Variants in IL36RN observed in about 807,000 individuals in gnomAD.
IL36RN encodes interleukin 36 receptor antagonist.
Under a neutral mutation model 13.0 loss-of-function variants are expected in IL36RN, and 11 were observed. The ratio of observed to expected loss-of-function variants is 0.85; its 90% CI spans 0.53 to 1.40. IL36RN has a LOEUF of 1.40. Ranked by LOEUF, IL36RN falls within the 40% of genes most tolerant of loss-of-function variation. The pLI is 0.00. For missense variants in IL36RN, 195 were observed against 195.3 expected (o/e 1.00, Z 0.01); for synonymous variants, 94 against 84.1 (o/e 1.12, Z -0.64).
chr2:113,062,714 G>A lies in IL36RN; in HGVS notation c.*37G>A, dbSNP rs1460646636. ...CCCCAGAACTCCCTGGGCAGAGCCA[G>A]CTCGGGTGAGGGGTGAGTGGAGGAG... On this transcript the variant is annotated 3_prime_UTR_variant, in exon 5 of 5. Coordinates refer to ENST00000393200, the MANE Select transcript of IL36RN (RefSeq NM_012275.3). 1.3e-6 allele frequency: 2 copies of A among 1,570,986 alleles called. No individual in the cohort carries two copies. Among genetic ancestry groups the A allele is most frequent in the Middle Eastern group, 1.7e-4 (1 of 5,992 alleles).
chr2:113,061,263 G>A (rs1055900079), intron 3 of IL36RN, among the ~76,000 whole-genome samples: 4 of 152,164 alleles, frequency 2.6e-5, no homozygotes, highest in Non-Finnish European at 5.9e-5. Context: ...GAGAACTAAC[G>A]TAGATTCTCT....
In IL36RN at chr2:113,062,235, C is replaced by T. The variant is rs139497891; in HGVS notation, c.227C>T (p.Pro76Leu). The T allele has an allele frequency of 2.3e-4, 378 of 1,613,982 alleles. 2 individuals carry two copies. Among genetic ancestry groups the T allele is most frequent in the Middle Eastern group, 6.6e-4 (4 of 6,060 alleles). Residue 76 changes from proline (P) to leucine (L), a missense_variant, in exon 4 of 5, where the codon CCG becomes CTG. Physicochemically the swap from Pro to Leu is moderately conservative, Grantham distance 98. Transcript: ENST00000393200. ...QCLSCGVGQEPTLTLEPVNIM... is the reference protein window; with the variant it reads ...QCLSCGVGQELTLTLEPVNIM... ...CTGTCATGTGGGGTGGGGCAGGAGCCGACTCTAACACTAGAGGTGAGACTT... is the reference window on the plus strand; with the variant it reads ...CTGTCATGTGGGGTGGGGCAGGAGCTGACTCTAACACTAGAGGTGAGACTT...
At chr2:113,059,554 A>G in intron 2 of IL36RN, 87 bp downstream of exon 2, 3 of 1,457,848 alleles carry the variant, frequency 2.1e-6, no homozygotes, top group Non-Finnish European at 2.9e-6. Flanking sequence ...AGCAGGAGGG[A>G]GGAAGGGAGG....
chr2:113,059,308 G>A (rs1685590547), intron 1 of IL36RN, 67 bp downstream of exon 1: 1 of 951,842 alleles, frequency 1.1e-6, no homozygotes, highest in Non-Finnish European at 1.7e-6. Flanking sequence ...CTGCTCCGTG[G>A]AGGCTGTTCA....
chr2:113,059,290 C>T, intron 1 of IL36RN, 49 bp downstream of exon 1: 1 of 814,632 alleles, frequency 1.2e-6, no homozygotes, highest in South Asian at 1.4e-5. Flanking sequence ...TGACCCCAGA[C>T]CCAGAATCTG....
At chr2:113,061,174 A>G (rs1685633394) in intron 3 of IL36RN, among the ~76,000 whole-genome samples, 1 of 152,230 alleles carries the variant, frequency 6.6e-6, no homozygotes, top group Non-Finnish European at 1.5e-5. Flanking sequence ...ATGTTTTCCA[A>G]GAGGCTTGTC....
intron 3 of IL36RN, 128 bp from the exon 4 acceptor site, chr2:113,061,995 CT>C (rs1252125926): frequency 1.3e-5 from 16 of 1,269,206 alleles, no homozygotes; most frequent in Non-Finnish European, 1.6e-5. Flanking sequence ...ATGACAGCTG[CT>C]GAGAAGCCTC....
At chr2:113,060,368 T>C (rs1207563330) in intron 2 of IL36RN, among the ~76,000 whole-genome samples, 4 of 152,282 alleles carry the variant, frequency 2.6e-5, no homozygotes, top group Admixed American at 2.6e-4. Flanking sequence ...CCTCACTTAG[T>C]AAGGAATATA....
At position 113,064,189 on chromosome 2, in the gene IL36RN, T is replaced by C. The variant is rs1028887063; in HGVS notation, c.*1512T>C. ...AAGCTTGGAAGAGGCAAAGAAGAAT[T>C]CTTCCCTAGAGGCTTTAGAGGGATA... On this transcript the variant is annotated 3_prime_UTR_variant, in exon 5 of 5. Coordinates refer to ENST00000393200, the MANE Select transcript of IL36RN (RefSeq NM_012275.3). 6 of 152,168 alleles carry C rather than the reference T, an allele frequency of 3.9e-5. No homozygotes were observed. Among genetic ancestry groups the C allele is most frequent in the African/African-American group, 9.7e-5 (4 of 41,440 alleles). The allele number at this position is 152,168 out of a possible 1,614,324, so 9.4% of individuals were successfully genotyped here.
rs773108196 is a variant in IL36RN at position 113,059,437 on chromosome 2, A to G, written c.-2A>G. 6.2e-7 allele frequency: 1 copy of G among 1,613,952 alleles called. No homozygotes were observed. Among genetic ancestry groups the G allele is most frequent in the Non-Finnish European group, 8.5e-7 (1 of 1,180,010 alleles). ...GGGAGTCTACACCCTGTGGAGCTCA[A>G]GATGGTCCTGAGTGGGGCGCTGTGC... On this transcript the variant is annotated 5_prime_UTR_variant, in exon 2 of 5. Transcript: ENST00000393200.
Position 113,059,215 on chromosome 2 carries a change from C to A in IL36RN, c.-54C>A. On this transcript the variant is annotated 5_prime_UTR_variant, in exon 1 of 5. Transcript: ENST00000393200. The stretch of plus-strand genomic sequence containing the variant: ...GGAGGAACAGGCAGACTCCACAGCT[C>A]CCGCCAGGAGAAAGGAACATTCTGA... The A allele has an allele frequency of 1.6e-6, 1 of 613,418 alleles. No homozygotes were observed. Among genetic ancestry groups the A allele is most frequent in the Non-Finnish European group, 3.0e-6 (1 of 338,638 alleles). The allele number at this position is 613,418 out of a possible 1,614,324, so 38.0% of individuals were successfully genotyped here. A position where few individuals can be genotyped will look rare whatever the true frequency, so the allele number is the denominator to read the frequency against.
rs1176068138 is a variant in IL36RN at position 113,063,752 on chromosome 2, G to T, written c.*1075G>T. ...ATCTCAGCAAAGCCACTGAGGAGGA[G>T]GCTGTGCTGAGTTTGTGTGGCTGGA... On this transcript the variant is annotated 3_prime_UTR_variant, in exon 5 of 5. Transcript: ENST00000393200. The T allele has an allele frequency of 6.6e-6, 1 of 152,196 alleles. No homozygotes were observed. Among genetic ancestry groups the T allele is most frequent in the Non-Finnish European group, 1.5e-5 (1 of 68,046 alleles). 9.4% of individuals were successfully genotyped at this position (152,196 alleles called of 1,614,324 possible).
chr2:113,062,379 C>T (rs977959390), intron 4 of IL36RN, 74 bp from the exon 5 acceptor site: 1 of 1,603,940 alleles, frequency 6.2e-7, no homozygotes, highest in Non-Finnish European at 8.5e-7. Flanking sequence ...TTTGCCTCCT[C>T]CCTAAGGATC....
chr2:113,061,022 C>A, intron 3 of IL36RN, 85 bp downstream of exon 3: 2 of 1,045,282 alleles, frequency 1.9e-6, no homozygotes, highest in Non-Finnish European at 3.0e-6. Context: ...AATAGTCATA[C>A]AGATTAGCAT....
rs758964880 is a variant in IL36RN, at chr2:113,060,980, C to T, written c.115+43C>T. 4.8e-6 allele frequency: 7 copies of T among 1,447,654 alleles called. No individual in the cohort carries two copies. In the Admixed American group the frequency reaches 1.2e-4, roughly 24 times the overall value. 89.7% of individuals were successfully genotyped at this position (1,447,654 alleles called of 1,614,324 possible). ...ACCCACTTTCCTTGGTCTCTATACA[C>T]TCTCAGGGGAGGGGGCCTGAAGAGG... On this transcript the variant is annotated intron_variant, in intron 3 of 4. Coordinates refer to ENST00000393200, the MANE Select transcript of IL36RN (RefSeq NM_012275.3).
chr2:113,062,690 C>A lies in IL36RN; in HGVS notation c.*13C>A, dbSNP rs1334897538. ...GCAGTGTGACTAGGGCAACGTGCCC[C>A]CCAGAACTCCCTGGGCAGAGCCAGC... On this transcript the variant is annotated 3_prime_UTR_variant, in exon 5 of 5. Coordinates refer to ENST00000393200, the MANE Select transcript of IL36RN (RefSeq NM_012275.3). 1 of 1,605,204 alleles carries A rather than the reference C, an allele frequency of 6.2e-7. No homozygotes were observed. The highest frequency in any genetic ancestry group is 1.3e-5 in the African/African-American group (1 of 74,970).
chr2:113,060,594 G>T (rs1530553), intron 2 of IL36RN, among the ~76,000 whole-genome samples: 9 of 152,054 alleles, frequency 5.9e-5, no homozygotes, highest in African/African-American at 9.7e-5. Flanking sequence ...TTCTCTTCCA[G>T]CAGGAGATGG....
chr2:113,061,575 C>CAT (rs10633611), intron 3 of IL36RN, among the ~76,000 whole-genome samples: 103,982 of 151,466 alleles, frequency 0.69, 36,454 homozygotes, highest in East Asian at 0.93. Context: ...TATGTGTGAG[C>CAT]ATGTGTGCAT....
chr2:113,060,912 G>C lies in IL36RN; in HGVS notation c.90G>C (p.Gly30=), dbSNP rs1685628398. Residue 30 remains glycine (G), a synonymous_variant, in exon 3 of 5, where the codon GGG becomes GGC. Coordinates refer to ENST00000393200, the MANE Select transcript of IL36RN (RefSeq NM_012275.3). ...ATAATAACCAGCTTCTAGCTGGAGG[G>C]CTGCATGCAGGGAAGGTCATTAAAG... is the stretch of plus-strand genomic sequence containing the variant. ...YLHNNQLLAG[G]LHAGKVIKGE... The C allele has an allele frequency of 6.2e-7, 1 of 1,614,016 alleles. No homozygotes were observed. Among genetic ancestry groups the C allele is most frequent in the Non-Finnish European group, 8.5e-7 (1 of 1,179,862 alleles).
Sources: allele counts gnomAD v4.1 joint callset (sites outside exome capture counted in the v4.1 genomes callset), GRCh38; gene constraint gnomAD v4.1.1; transcripts MANE v1.5; gene names NCBI Gene and HGNC (gene_info 2026-07-23, HGNC 2026-07-21).